EBF4: variants seen among roughly 807,000 people sequenced by gnomAD.
The protein encoded by EBF4 is transcription factor COE4.
EBF4 carries 34 observed loss-of-function variants against 67.1 expected under a neutral mutation model. The observed-to-expected ratio is 0.51, with a 90% CI of 0.39 to 0.67. The LOEUF (loss-of-function observed/expected upper bound fraction) is 0.67. Ranked by LOEUF, EBF4 falls within the 30% of genes least tolerant of loss-of-function variation. The pLI is 0.00. For missense variants in EBF4, 837 were observed against 873.3 expected, an observed-to-expected ratio of 0.96 and a Z score of 0.52; for synonymous variants, 387 against 377.7, an observed-to-expected ratio of 1.02 and a Z score of -0.29.
At chr20:2,726,136 T>C (rs2087743939) in intron 6 of EBF4, among the ~76,000 whole-genome samples, 1 of 152,214 alleles carries the variant, frequency 6.6e-6, no homozygotes, top group African/African-American at 2.4e-5. Flanking sequence ...CTTTCTTCCA[T>C]CAATTGGAAA....
chr20:2,717,394 A>C (rs936224929), intron 6 of EBF4, among the ~76,000 whole-genome samples: 2 of 152,230 alleles, frequency 1.3e-5, no homozygotes, highest in Admixed American at 1.3e-4. Context: ...AAAATAGAGA[A>C]AAATAAAACA....
chr20:2,723,087 A>G (rs2087703268), intron 6 of EBF4, among the ~76,000 whole-genome samples: 1 of 152,206 alleles, frequency 6.6e-6, no homozygotes, highest in Non-Finnish European at 1.5e-5. Flanking sequence ...TTTTTGACAC[A>G]TATATATTAT....
intron 6 of EBF4, among the ~76,000 whole-genome samples, chr20:2,736,203 G>T (rs988157547): frequency 2.0e-5 from 3 of 152,104 alleles, no homozygotes; most frequent in Non-Finnish European, 4.4e-5. Flanking sequence ...CCCATGGGAG[G>T]CTCATAGCTC....
chr20:2,738,732 G>C (rs1040202109), intron 6 of EBF4, among the ~76,000 whole-genome samples: 1 of 152,152 alleles, frequency 6.6e-6, no homozygotes, highest in African/African-American at 2.4e-5. Flanking sequence ...CTGAGGTTTG[G>C]AGAGCCTAGT....
intron 6 of EBF4, among the ~76,000 whole-genome samples, chr20:2,733,721 G>A (rs2087844042): frequency 6.6e-6 from 1 of 151,678 alleles, no homozygotes; most frequent in Non-Finnish European, 1.5e-5. Flanking sequence ...TCTAGGTCAG[G>A]GGTGTCCAAT....
intron 1 of EBF4, among the ~76,000 whole-genome samples, chr20:2,699,219 T>C (rs1600197352): frequency 6.6e-6 from 1 of 152,180 alleles, no homozygotes; most frequent in Non-Finnish European, 1.5e-5. Flanking sequence ...CCCACAGGCA[T>C]CTGCATACAC....
upstream of EBF4, chr20:2,692,928 GGCT>G (rs1292971331): frequency 6.8e-5 from 10 of 146,204 alleles, no homozygotes; most frequent in Non-Finnish European, 1.1e-4. The surrounding 1 kb of genome is among the most constrained non-coding windows in gnomAD (Gnocchi z 6.4). Context: ...GAGTCGGCCG[GGCT>G]GCTGCTGCTG....
intron 15 of EBF4, among the ~76,000 whole-genome samples, chr20:2,758,218 C>A (rs1455679306): frequency 6.6e-6 from 1 of 152,216 alleles, no homozygotes. Flanking sequence ...AAGTGAACAT[C>A]CATCCAACCG....
chr20:2,708,266 G>A (rs934200319), intron 5 of EBF4, among the ~76,000 whole-genome samples: 1 of 152,202 alleles, frequency 6.6e-6, no homozygotes, highest in Non-Finnish European at 1.5e-5. Flanking sequence ...TTTTGTAAGA[G>A]AGGCCTCCTG....
Position 2,707,967 on chromosome 20 carries a change from G to C in EBF4, c.435G>C (p.Gln145His). Reference sequence around the variant, plus strand: ...CCCAGGCCATCATCTATGAGGGGCAGGACAAGAACCCCGAAATGTGCCGAG... The same window carrying C: ...CCCAGGCCATCATCTATGAGGGGCACGACAAGAACCCCGAAATGTGCCGAG... Residue 145 changes from glutamine to histidine, a missense_variant, in exon 5 of 17, where the codon CAG (glutamine) becomes CAC (histidine). By Grantham distance (24) the Gln-to-His change is conservative (BLOSUM62 0). This residue lies in a region of EBF4 where 226 missense variants were observed against 306.5 expected (regional missense o/e 0.74). Coordinates refer to ENST00000609451, the Ensembl canonical transcript of EBF4. This position sits in a 1 kb window ranked among gnomAD's most constrained non-coding sequence, Gnocchi z 4.6. The C allele has an allele frequency of 6.2e-7, 1 of 1,606,084 alleles. No homozygotes were observed. The highest frequency in any genetic ancestry group is 8.5e-7 in the Non-Finnish European group (1 of 1,175,860).
chr20:2,703,343 G>A (rs1260412263), intron 1 of EBF4, among the ~76,000 whole-genome samples: 1 of 152,024 alleles, frequency 6.6e-6, no homozygotes, highest in Non-Finnish European at 1.5e-5. Context: ...GGCTGAGGCA[G>A]GAGGATCGCT....
intron 6 of EBF4, among the ~76,000 whole-genome samples, chr20:2,737,507 C>G (rs2087905540): frequency 6.6e-6 from 1 of 152,150 alleles, no homozygotes; most frequent in African/African-American, 2.4e-5. Flanking sequence ...TAAAATAGAG[C>G]TGACCAATGA....
chr20:2,744,197 C>G (rs894166344), intron 6 of EBF4, among the ~76,000 whole-genome samples: 1 of 151,806 alleles, frequency 6.6e-6, no homozygotes, highest in African/African-American at 2.4e-5. Context: ...TCTCCTGCCT[C>G]AGCCTCCCGA....
Position 2,751,993 on chromosome 20 carries a change from G to C in EBF4, c.1173+6G>C. On this transcript the variant is annotated splice_donor_region_variant and intron_variant, in intron 12 of 16. Transcript: ENST00000609451. This position sits in a 1 kb window ranked among gnomAD's most constrained non-coding sequence, Gnocchi z 5.2. ...GAGTGCCCGGCAGTAACCAGGTATG[G>C]CGCCTCCGCCCTCCCAGCGCCGCCG... The C allele has an allele frequency of 1.3e-6, 2 of 1,543,192 alleles. No individual in the cohort carries two copies. Among genetic ancestry groups the C allele is most frequent in the Non-Finnish European group, 1.7e-6 (2 of 1,144,416 alleles).
At chr20:2,735,186 A>C (rs865877135) in intron 6 of EBF4, among the ~76,000 whole-genome samples, 5 of 152,210 alleles carry the variant, frequency 3.3e-5, no homozygotes, top group South Asian at 2.1e-4. Context: ...TCAAATAACA[A>C]GTTCTGCAAA....
rs2087943385 is a variant in EBF4 at position 2,739,912 on chromosome 20, T to C, written c.558-8637T>C. 6.6e-6 allele frequency among the ~76,000 whole-genome samples: 1 copy of C among 152,250 alleles called. No homozygotes were observed. The highest frequency in any genetic ancestry group is 2.4e-5 in the African/African-American group (1 of 41,466). ...GGCCTTCACAGGACACACTGTTGTT[T>C]GGAACATCCTGCCCCAGCTCGTATA... On this transcript the variant is annotated intron_variant, in intron 6 of 16. Transcript: ENST00000609451. This position sits in a 1 kb window ranked among gnomAD's most constrained non-coding sequence, Gnocchi z 4.5.
intron 6 of EBF4, among the ~76,000 whole-genome samples, chr20:2,724,261 C>T (rs1483308420): frequency 6.6e-6 from 1 of 152,202 alleles, no homozygotes; most frequent in Non-Finnish European, 1.5e-5. Context: ...TAAACATTAA[C>T]CAGTACACTA....
At chr20:2,702,391 G>A (rs867691806) in intron 1 of EBF4, among the ~76,000 whole-genome samples, 1 of 151,334 alleles carries the variant, frequency 6.6e-6, no homozygotes, top group African/African-American at 2.4e-5. Flanking sequence ...TTGTGCCACC[G>A]CACTCCAGCC....
intron 1 of EBF4, among the ~76,000 whole-genome samples, chr20:2,699,525 C>T (rs150956816): frequency 1.7e-4 from 26 of 152,220 alleles, no homozygotes; most frequent in East Asian, 1.3e-3. Flanking sequence ...TTCTTTAGTA[C>T]GGGGGCAAAT....
Sources: gnomAD v4.1 joint callset for allele counts (sites outside exome capture counted in the v4.1 genomes callset) on GRCh38, gnomAD v4.1.1 for gene constraint, gnomAD v4.1.1 regional missense constraint, Gnocchi (gnomAD v3.1) non-coding constraint, MANE v1.5 for transcripts, NCBI Gene and HGNC (gene_info 2026-07-23, HGNC 2026-07-21) for gene names.